MINDY4: variants seen among roughly 807,000 people sequenced by gnomAD.
MINDY4 encodes probable ubiquitin carboxyl-terminal hydrolase MINDY-4.
A neutral mutation model predicts 87.0 loss-of-function variants in MINDY4; 68 were observed. That is an observed-to-expected ratio of 0.78 (90% CI 0.64 to 0.96). MINDY4 has a LOEUF of 0.96. MINDY4 is among the 40% of genes least tolerant of loss of function. The pLI is 0.00. For synonymous variants in MINDY4, 379 were observed against 363.2 expected (o/e 1.04, Z -0.50); for missense variants, 919 against 928.2 (o/e 0.99, Z 0.13).
At chr7:30,803,071 C>T (rs1456834544) in intron 5 of MINDY4, 1 of 152,338 alleles carries the variant, frequency 6.6e-6, no homozygotes, top group Admixed American at 6.5e-5. Flanking sequence ...AACTCACTGT[C>T]CCAACTGTGA....
At chr7:30,772,370 T>A (rs1786671177) in intron 1 of MINDY4, among the ~76,000 whole-genome samples, 1 of 152,218 alleles carries the variant, frequency 6.6e-6, no homozygotes, top group Non-Finnish European at 1.5e-5. Flanking sequence ...GGAAGGACTT[T>A]GAAGTCAGAC....
intron 15 of MINDY4, among the ~76,000 whole-genome samples, chr7:30,877,822 C>CTTTTTTTTT (rs60164229): frequency 2.1e-5 from 1 of 47,542 alleles, no homozygotes; most frequent in African/African-American, 6.7e-5. Context: ...CAGGGACATG[C>CTTTTTTTTT]TTTTTTTTTT....
intron 5 of MINDY4, among the ~76,000 whole-genome samples, chr7:30,791,896 C>A (rs1027856861): frequency 1.3e-5 from 2 of 151,686 alleles, no homozygotes; most frequent in Non-Finnish European, 2.9e-5. Flanking sequence ...AAAAAAATTG[C>A]AAAAAAAACT....
intron 5 of MINDY4, among the ~76,000 whole-genome samples, chr7:30,799,594 TA>T (rs1436083383): frequency 1.3e-5 from 2 of 152,260 alleles, no homozygotes; most frequent in African/African-American, 2.4e-5. Flanking sequence ...CAATGGTTCT[TA>T]AACTGTGATC....
At chr7:30,827,295 C>T (rs185005895) in intron 5 of MINDY4, among the ~76,000 whole-genome samples, 4 of 152,248 alleles carry the variant, frequency 2.6e-5, no homozygotes, top group African/African-American at 7.2e-5. Flanking sequence ...GGATGCCTTG[C>T]CTTCATCTCC....
At chr7:30,771,600 TG>T (rs773890219) in intron 1 of MINDY4, 44 bp downstream of exon 1, 1 of 1,558,258 alleles carries the variant, frequency 6.4e-7, no homozygotes, top group Admixed American at 2.0e-5. Context: ...GGCTCTAATT[TG>T]GGGGGATCAT....
chr7:30,790,265 T>C (rs1337299658), intron 4 of MINDY4, among the ~76,000 whole-genome samples: 1 of 152,126 alleles, frequency 6.6e-6, no homozygotes, highest in Non-Finnish European at 1.5e-5. Context: ...GTACAGTGCA[T>C]GAGCCACATA....
intron 5 of MINDY4, 73 bp downstream of exon 5, chr7:30,791,647 T>C: frequency 6.9e-7 from 1 of 1,458,236 alleles, no homozygotes; most frequent in Non-Finnish European, 9.2e-7. Context: ...TAGTCCCTAA[T>C]GGCTCCGAAG....
chr7:30,817,539 G>A (rs1020262589), intron 5 of MINDY4, among the ~76,000 whole-genome samples: 10 of 152,132 alleles, frequency 6.6e-5, no homozygotes, highest in South Asian at 6.2e-4. Context: ...TGATGGAAGC[G>A]AGGAAGGAGT....
Position 30,875,553 on chromosome 7 carries a change from T to A in MINDY4, c.1868T>A (p.Val623Asp). ...GTGTCCAACGTTTTCAACGATGTGG[T>A]TGAGCTGGATTCTGGGGATGGGAAC... The part of the protein sequence containing the change: ...KAVSNVFNDV[V>D]ELDSGDGNIT... The change falls in exon 15 of 18, where the codon GTT becomes GAT. Residue 623 changes from valine to aspartate, a missense_variant. Coordinates refer to ENST00000265299, the MANE Select transcript of MINDY4 (RefSeq NM_032222.3). 1 of 1,614,254 alleles carries A rather than the reference T, an allele frequency of 6.2e-7. No homozygotes were observed. Among genetic ancestry groups the A allele is most frequent in the East Asian group, 2.2e-5 (1 of 44,892 alleles).
chr7:30,873,083 G>A (rs140435223), intron 14 of MINDY4, among the ~76,000 whole-genome samples: 2 of 152,296 alleles, frequency 1.3e-5, no homozygotes, highest in East Asian at 3.9e-4. Flanking sequence ...GCTCACTTGC[G>A]CCCAGCTCTG....
chr7:30,870,924 ATGTGTGCCCCCCAGGGTCG>A (rs1370312467), intron 13 of MINDY4, among the ~76,000 whole-genome samples: 2 of 150,600 alleles, frequency 1.3e-5, no homozygotes, highest in Non-Finnish European at 3.0e-5. Context: ...CCCCAGGGCC[ATGTGTGCCCCCCAGGGTCG>A]TGTGTGCCTC....
chr7:30,803,480 A>G (rs1787719363), intron 5 of MINDY4: 1 of 152,216 alleles, frequency 6.6e-6, no homozygotes, highest in African/African-American at 2.4e-5. Flanking sequence ...TCAGGGTCAG[A>G]TGGATGGTGC....
At chr7:30,836,384 T>G (rs1364029081) in intron 6 of MINDY4, among the ~76,000 whole-genome samples, 1 of 152,202 alleles carries the variant, frequency 6.6e-6, no homozygotes, top group Admixed American at 6.5e-5. Flanking sequence ...AACTTTCTAG[T>G]GGACCAGTAG....
intron 5 of MINDY4, among the ~76,000 whole-genome samples, chr7:30,819,959 T>C (rs978229749): frequency 1.4e-4 from 20 of 138,386 alleles, no homozygotes; most frequent in Non-Finnish European, 2.9e-4. Context: ...TGGAGTGCAG[T>C]GGCGGGATCT....
intron 15 of MINDY4, among the ~76,000 whole-genome samples, chr7:30,881,853 G>A (rs1790471287): frequency 1.3e-5 from 2 of 152,188 alleles, no homozygotes; most frequent in Non-Finnish European, 2.9e-5. Context: ...GATCTCAGGA[G>A]GAAAGGCTGG....
chr7:30,851,093 A>G (rs1282556867), intron 10 of MINDY4, among the ~76,000 whole-genome samples: 1 of 152,248 alleles, frequency 6.6e-6, no homozygotes, highest in Non-Finnish European at 1.5e-5. Flanking sequence ...GCCCCATTCT[A>G]CTGCATATAA....
intron 6 of MINDY4, among the ~76,000 whole-genome samples, chr7:30,831,832 G>T (rs927834873): frequency 6.6e-6 from 1 of 152,094 alleles, no homozygotes; most frequent in Non-Finnish European, 1.5e-5. Flanking sequence ...TTATACATAC[G>T]TACATGTATC....
At chr7:30,819,013 G>C (rs917772846) in intron 5 of MINDY4, among the ~76,000 whole-genome samples, 4 of 152,064 alleles carry the variant, frequency 2.6e-5, no homozygotes, top group African/African-American at 7.2e-5. Context: ...TCTTTTAAAA[G>C]AATCGGTTTT....
Sources: gnomAD v4.1 joint callset for allele counts (sites outside exome capture counted in the v4.1 genomes callset) on GRCh38, gnomAD v4.1.1 for gene constraint, MANE v1.5 for transcripts, NCBI Gene and HGNC (gene_info 2026-07-23, HGNC 2026-07-21) for gene names.